CTNNA2: variants seen among roughly 807,000 people sequenced by gnomAD.
The protein encoded by CTNNA2 is catenin alpha-2.
CTNNA2 carries 42 observed loss-of-function variants against 101.0 expected under a neutral mutation model. The ratio of observed to expected loss-of-function variants is 0.42; its 90% CI spans 0.32 to 0.54. CTNNA2 has a LOEUF of 0.54. Among genes scored for constraint, CTNNA2 ranks in the 20% least tolerant of loss-of-function variants. The pLI is 0.14. For synonymous variants in CTNNA2, 450 were observed against 456.4 expected, an observed-to-expected ratio of 0.99 and a Z score of 0.18; for missense variants, 871 against 1,223.1, an observed-to-expected ratio of 0.71 and a Z score of 4.29.
At chr2:80,029,709 T>C (rs915010869) in intron 7 of CTNNA2, among the ~76,000 whole-genome samples, 8 of 151,650 alleles carry the variant, frequency 5.3e-5, no homozygotes, top group Non-Finnish European at 1.0e-4. Flanking sequence ...AAGAATCTAC[T>C]TTGGCTACAT....
chr2:79,837,673 T>C (rs1401291226), intron 3 of CTNNA2, among the ~76,000 whole-genome samples: 1 of 152,052 alleles, frequency 6.6e-6, no homozygotes, highest in Non-Finnish European at 1.5e-5. Flanking sequence ...CCTATACCAA[T>C]TGTTATCTTT....
chr2:79,871,076 G>T (rs2104031140), intron 5 of CTNNA2, among the ~76,000 whole-genome samples: 1 of 152,292 alleles, frequency 6.6e-6, no homozygotes, highest in East Asian at 1.9e-4. Flanking sequence ...TCCAAATGTG[G>T]AAGGATCTCC....
At chr2:79,313,732 G>A (rs910193037) in intron 3 of CTNNA2, among the ~76,000 whole-genome samples, 3 of 152,146 alleles carry the variant, frequency 2.0e-5, no homozygotes, top group African/African-American at 7.2e-5. Context: ...TCTTCCTGGG[G>A]TCATGAGGAA....
intron 9 of CTNNA2, among the ~76,000 whole-genome samples, chr2:80,495,286 G>T (rs571546760): frequency 6.6e-6 from 1 of 152,260 alleles, no homozygotes; most frequent in Admixed American, 6.5e-5. Context: ...GCTTATGAGG[G>T]TTTCCTGTGT....
At chr2:80,401,385 C>G (rs1224606542) in intron 8 of CTNNA2, among the ~76,000 whole-genome samples, 1 of 152,136 alleles carries the variant, frequency 6.6e-6, no homozygotes, top group Non-Finnish European at 1.5e-5. Flanking sequence ...AAAAAGTCTA[C>G]TTATATTTTG....
At chr2:79,450,587 A>T (rs1473008963) in intron 4 of CTNNA2, among the ~76,000 whole-genome samples, 1 of 152,086 alleles carries the variant, frequency 6.6e-6, no homozygotes. Context: ...ACATGATGAA[A>T]TTATCTTGAA....
chr2:80,497,503 A>G (rs1213240980), intron 9 of CTNNA2, among the ~76,000 whole-genome samples: 2 of 152,308 alleles, frequency 1.3e-5, no homozygotes, highest in East Asian at 1.9e-4. Flanking sequence ...AGAATTCCCT[A>G]TTGCAGAAGA....
intron 7 of CTNNA2, among the ~76,000 whole-genome samples, chr2:80,279,811 C>T (rs1674221721): frequency 6.6e-6 from 1 of 152,034 alleles, no homozygotes; most frequent in South Asian, 2.1e-4. Flanking sequence ...GGGAGATTTC[C>T]CTGATAAAAA....
At chr2:79,194,288 C>T (rs949578765) in intron 1 of CTNNA2, among the ~76,000 whole-genome samples, 6 of 152,148 alleles carry the variant, frequency 3.9e-5, no homozygotes, top group African/African-American at 1.2e-4. Flanking sequence ...TGTGAGTATA[C>T]AGCAGGGTCT....
At chr2:79,508,615 T>C (rs1671463123), upstream of CTNNA2, among the ~76,000 whole-genome samples, 1 of 152,144 alleles carries the variant, frequency 6.6e-6, no homozygotes, top group African/African-American at 2.4e-5. Flanking sequence ...TACTGCTTGA[T>C]TAATTGACTC....
At chr2:79,695,513 C>T (rs1447384913) in intron 2 of CTNNA2, among the ~76,000 whole-genome samples, 1 of 151,988 alleles carries the variant, frequency 6.6e-6, no homozygotes, top group Non-Finnish European at 1.5e-5. Context: ...AGAAAATGCA[C>T]ATGAGCAATT....
intron 7 of CTNNA2, among the ~76,000 whole-genome samples, chr2:80,196,896 C>T (rs1041290127): frequency 6.6e-6 from 1 of 152,228 alleles, no homozygotes; most frequent in Non-Finnish European, 1.5e-5. Flanking sequence ...TTCTTGAAGT[C>T]CCTGCTTAAT....
intron 2 of CTNNA2, among the ~76,000 whole-genome samples, chr2:79,737,567 A>G (rs1558884852): frequency 6.6e-6 from 1 of 152,144 alleles, no homozygotes. Flanking sequence ...AATGTTAGGG[A>G]TGATATAGTT....
chr2:79,192,095 G>T (rs1000422474), intron 1 of CTNNA2, among the ~76,000 whole-genome samples: 1 of 151,502 alleles, frequency 6.6e-6, no homozygotes, highest in South Asian at 2.1e-4. Flanking sequence ...TTTTTTCCAG[G>T]GCTGGTTTCT....
At chr2:80,187,663 A>G (rs572080330) in intron 7 of CTNNA2, among the ~76,000 whole-genome samples, 1 of 152,326 alleles carries the variant, frequency 6.6e-6, no homozygotes, top group Non-Finnish European at 1.5e-5. Context: ...AGAAAAACAG[A>G]GGGAAATTGG....
At chr2:80,426,556 C>A (rs1681013111) in intron 9 of CTNNA2, among the ~76,000 whole-genome samples, 1 of 152,182 alleles carries the variant, frequency 6.6e-6, no homozygotes, top group African/African-American at 2.4e-5. Flanking sequence ...ACAGTCCCTT[C>A]TGCACAGAGC....
rs1553476557 is a variant in CTNNA2, at chr2:80,250,204, A to AGAGAGAGTGT, written c.1057-143006_1057-143005insAGAGAGTGTG. 5.9e-3 allele frequency among the ~76,000 whole-genome samples: 573 copies of AGAGAGAGTGT among 96,462 alleles called. 4 individuals carry two copies. Among genetic ancestry groups the AGAGAGAGTGT allele is most frequent in the African/African-American group, 0.016 (539 of 33,824 alleles). The allele number at this position is 96,462 out of a possible 152,430, so 63.3% of individuals were successfully genotyped here. Reference sequence around the variant, plus strand: ...GGGGGAGAGAGAGAGAGAGAGAGAGAGTGTGTGTGTGTGTGTGTGTGTGTG... The same window carrying AGAGAGAGTGT: ...GGGGGAGAGAGAGAGAGAGAGAGAGAGAGAGAGTGTGTGTGTGTGTGTGTGTGTGTGTGTG... On this transcript the variant is annotated intron_variant, in intron 7 of 18. Transcript: ENST00000402739.
intron 7 of CTNNA2, among the ~76,000 whole-genome samples, chr2:80,326,726 A>T (rs187615765): frequency 6.6e-6 from 1 of 152,300 alleles, no homozygotes; most frequent in Admixed American, 6.5e-5. Context: ...TAAGGAAAAA[A>T]ATCTTCAAAA....
At chr2:79,607,854 T>C (rs1677998607) in intron 1 of CTNNA2, among the ~76,000 whole-genome samples, 1 of 151,794 alleles carries the variant, frequency 6.6e-6, no homozygotes, top group African/African-American at 2.4e-5. Flanking sequence ...ACCTTAATAA[T>C]CTAGAAAAAG....
Sources: allele counts gnomAD v4.1 joint callset (sites outside exome capture counted in the v4.1 genomes callset), GRCh38; gene constraint gnomAD v4.1.1; transcripts MANE v1.5; gene names NCBI Gene and HGNC (gene_info 2026-07-23, HGNC 2026-07-21).